The following RYR1 variants were observed in gnomAD, a reference collection of about 807,000 sequenced individuals.
RYR1 encodes central core disease of muscle.
In RYR1, 342 loss-of-function variants were observed where a neutral mutation model predicts 583.5. The ratio of observed to expected loss-of-function variants is 0.59; its 90% CI spans 0.54 to 0.64. The LOEUF (loss-of-function observed/expected upper bound fraction) is 0.64, where lower values mean the gene tolerates loss of function less well. Among genes scored for constraint, RYR1 ranks in the 30% least tolerant of loss-of-function variants. The probability of loss-of-function intolerance (pLI) is 0.00; values close to 1 mark genes in which losing one functional copy is unlikely to be tolerated. For missense variants in RYR1, 6,032 were observed against 6,917.2 expected (o/e 0.87, Z 4.54); for synonymous variants, 2,791 against 2,822.5 (o/e 0.99, Z 0.35).
At position 38,506,501 on chromosome 19, in the gene RYR1, C is replaced by T; in HGVS notation, c.8647C>T (p.His2883Tyr). 6.2e-7 allele frequency: 1 copy of T among 1,614,020 alleles called. No individual in the cohort carries two copies. Among genetic ancestry groups the T allele is most frequent in the Non-Finnish European group, 8.5e-7 (1 of 1,180,020 alleles). ...AMAEQLAENYHNTWGRKKKQE... is the reference protein window; with the variant it reads ...AMAEQLAENYYNTWGRKKKQE... ...GGCAGAACAACTGGCAGAAAATTAC[C>T]ACAACACGTGGGGACGGAAGAAGAA... Residue 2883 changes from histidine to tyrosine, a missense_variant, in exon 56 of 106, where the codon CAC becomes TAC. His to Tyr is a moderately conservative substitution (Grantham distance 83). Coordinates refer to ENST00000359596, the MANE Select transcript of RYR1 (RefSeq NM_000540.3).
At chr19:38,478,371 G>C in intron 30 of RYR1, 64 bp from the exon 31 acceptor site, 3 of 1,575,704 alleles carry the variant, frequency 1.9e-6, no homozygotes, top group Non-Finnish European at 2.6e-6. Context: ...GCTTGGGGAA[G>C]GGGGTGTCCA....
Position 38,567,736 on chromosome 19 carries a change from C to G in RYR1, c.13515-37C>G, listed in dbSNP as rs1317832880. On this transcript the variant is annotated intron_variant, in intron 92 of 105. Transcript: ENST00000359596. ...TGAATGAACTCATGCATTGCCTGCC[C>G]AGGCACCTCCTGACCTCTCTCTGTC... The G allele has an allele frequency of 3.7e-6, 6 of 1,614,056 alleles. No individual in the cohort carries two copies. The South Asian group carries it at 4.4e-5, about 12-fold the overall frequency.
Position 38,519,431 on chromosome 19 carries a change from C to A in RYR1, c.10236C>A (p.Leu3412=). The change falls in exon 67 of 106, where the codon CTC becomes CTA. Residue 3412 remains leucine (L), a synonymous_variant. Transcript: ENST00000359596. The part of the protein sequence containing the change: ...CRDLYALYPL[L]IRYVDNNRAQ... Reference sequence around the variant, plus strand: ...ACCTCTACGCCCTGTATCCGCTGCTCATCCGCTACGTGGACAACAACAGGT... The same window carrying A: ...ACCTCTACGCCCTGTATCCGCTGCTAATCCGCTACGTGGACAACAACAGGT... The A allele has an allele frequency of 6.3e-7, 1 of 1,599,846 alleles. No homozygotes were observed. The highest frequency in any genetic ancestry group is 8.5e-7 in the Non-Finnish European group (1 of 1,174,302).
chr19:38,455,658 C>T lies in RYR1; in HGVS notation c.1698C>T (p.Val566=). 1 of 1,613,842 alleles carries T rather than the reference C, an allele frequency of 6.2e-7. No homozygotes were observed. Among genetic ancestry groups the T allele is most frequent in the Non-Finnish European group, 8.5e-7 (1 of 1,179,788 alleles). Residue 566 remains valine (V), a synonymous_variant, in exon 16 of 106, where the codon GTC becomes GTT. Transcript: ENST00000359596. ...SSGILEVLYC[V]LIESPEVLNI... ...GCATCCTGGAGGTCCTGTACTGTGT[C>T]CTCATTGAGAGTCCAGAGGTTCTGA... is the stretch of plus-strand genomic sequence containing the variant.
chr19:38,531,204 C>T (rs914514195), intron 76 of RYR1, among the ~76,000 whole-genome samples: 3 of 151,884 alleles, frequency 2.0e-5, no homozygotes, highest in Admixed American at 2.0e-4. Flanking sequence ...TGACATAAGG[C>T]CATCTCGGGC....
chr19:38,433,938 T>A (rs977928244), intron 1 of RYR1, 64 bp downstream of exon 1: 51 of 1,398,604 alleles, frequency 3.6e-5, no homozygotes, highest in Non-Finnish European at 5.1e-5. Context: ...GGTCTCTCTG[T>A]CTCTGAATGT....
intron 34 of RYR1, among the ~76,000 whole-genome samples, chr19:38,488,173 A>G (rs1020239379): frequency 6.6e-6 from 1 of 151,912 alleles, no homozygotes; most frequent in Non-Finnish European, 1.5e-5. Flanking sequence ...CCCCACCCTC[A>G]TGGCTATTCA....
In RYR1 at chr19:38,580,513, C is replaced by T. The variant is rs761649824; in HGVS notation, c.14646+9C>T. 6.2e-7 allele frequency: 1 copy of T among 1,613,978 alleles called. No individual in the cohort carries two copies. Among genetic ancestry groups the T allele is most frequent in the Admixed American group, 1.7e-5 (1 of 59,980 alleles). On this transcript the variant is annotated intron_variant, in intron 101 of 105. Transcript: ENST00000359596. ...GTGATGACATGATGACGGTGAGCCCCTCCCCTAGCACTCTGGGACCCTTCC... is the reference window on the plus strand; with the variant it reads ...GTGATGACATGATGACGGTGAGCCCTTCCCCTAGCACTCTGGGACCCTTCC...
At chr19:38,475,278 T>G (rs1368660907) in intron 28 of RYR1, 40 bp from the exon 29 acceptor site, 6 of 1,552,476 alleles carry the variant, frequency 3.9e-6, no homozygotes, top group African/African-American at 1.4e-5. Context: ...GGGCTGGGCT[T>G]GAAAGCTGGC....
chr19:38,451,988 C>T, intron 12 of RYR1, 103 bp downstream of exon 12: 4 of 1,519,226 alleles, frequency 2.6e-6, no homozygotes, highest in South Asian at 2.3e-5. Context: ...TGCCCACACC[C>T]TTGTCTAACA....
intron 42 of RYR1, among the ~76,000 whole-genome samples, chr19:38,498,156 G>A (rs1331252014): frequency 1.3e-5 from 2 of 152,210 alleles, no homozygotes; most frequent in African/African-American, 2.4e-5. Context: ...AGACAGCTGT[G>A]GCTGGAGCAG....
At position 38,483,330 on chromosome 19, in the gene RYR1, G is replaced by C. The variant is rs778411704; in HGVS notation, c.4748G>C (p.Arg1583Pro). The change falls in exon 33 of 106, where the codon CGC becomes CCC. Residue 1583 changes from arginine (R) to proline (P), a missense_variant. Coordinates refer to ENST00000359596, the MANE Select transcript of RYR1 (RefSeq NM_000540.3). The surrounding 1 kb of genome is among the most constrained non-coding windows in gnomAD (Gnocchi z 6.3). ...TCAGCCGCCATGTTCCAAAGCGAGC[G>C]CAAGAACCCGGCCCCGCAGTGCCCA... ...PLSAAMFQSE[R>P]KNPAPQCPPR... 1.3e-6 allele frequency: 2 copies of C among 1,560,138 alleles called. No individual in the cohort carries two copies. The highest frequency in any genetic ancestry group is 1.7e-6 in the Non-Finnish European group (2 of 1,152,114).
rs1220842417 is a variant in RYR1 at position 38,500,704 on chromosome 19, GC to G, written c.7423del (p.Gln2475ArgfsTer56). On this transcript the variant is annotated frameshift_variant, in exon 46 of 106. Transcript: ENST00000359596. LOFTEE classifies it high-confidence loss of function. This position sits in a 1 kb window ranked among gnomAD's most constrained non-coding sequence, Gnocchi z 5.9. The stretch of plus-strand genomic sequence containing the variant: ...TTGTGGGCATCATCAGCCTCCCACT[GC>G]AGATTCCCACCCTGGGCAAAGGTGC... ...DLVGIISLPL[Q>X]IPTLGKDGAL... is the part of the protein sequence containing the mutation. 1 of 1,614,022 alleles carries G rather than the reference GC, an allele frequency of 6.2e-7. No individual in the cohort carries two copies. The highest frequency in any genetic ancestry group is 8.5e-7 in the Non-Finnish European group (1 of 1,180,022).
chr19:38,442,512 T>C, intron 3 of RYR1, 59 bp downstream of exon 3: 2 of 1,284,376 alleles, frequency 1.6e-6, no homozygotes, highest in Non-Finnish European at 2.3e-6. Context: ...GACCCAGGGG[T>C]CGTTTAGGGC....
chr19:38,500,054 C>A lies in RYR1; in HGVS notation c.7323+38C>A. The A allele has an allele frequency of 6.3e-7, 1 of 1,581,306 alleles. No homozygotes were observed. Among genetic ancestry groups the A allele is most frequent in the Non-Finnish European group, 8.7e-7 (1 of 1,151,578 alleles). ...GCCAGGGCAGGATGGGAAGGGAGGG[C>A]AGGCACAGCCGCTTTGAACGCCTCA... On this transcript the variant is annotated intron_variant, in intron 45 of 105. Transcript: ENST00000359596. The surrounding 1 kb of genome is among the most constrained non-coding windows in gnomAD (Gnocchi z 5.9).
At position 38,499,810 on chromosome 19, in the gene RYR1, G is replaced by C; in HGVS notation, c.7203G>C (p.Arg2401=). Residue 2401 remains arginine, a synonymous_variant, in exon 44 of 106, where the codon CGG becomes CGC. Transcript: ENST00000359596. The surrounding 1 kb of genome is among the most constrained non-coding windows in gnomAD (Gnocchi z 7.3). ...ARDGPGIRRD[R]RREHFGEEPP... Reference sequence around the variant, plus strand: ...ATGGCCCAGGCATCCGCAGGGACCGGCGGCGCGAGCAGTGAGTCTCCCGGC... The same window carrying C: ...ATGGCCCAGGCATCCGCAGGGACCGCCGGCGCGAGCAGTGAGTCTCCCGGC... 1.2e-6 allele frequency: 2 copies of C among 1,605,422 alleles called. No individual in the cohort carries two copies. Among genetic ancestry groups the C allele is most frequent in the Non-Finnish European group, 1.7e-6 (2 of 1,179,144 alleles).
intron 25 of RYR1, 84 bp downstream of exon 25, chr19:38,467,896 C>T (rs1968195063): frequency 1.5e-6 from 2 of 1,338,190 alleles, no homozygotes; most frequent in South Asian, 2.5e-5. Context: ...TCTGTCTGTG[C>T]CTCACTCTGT....
At chr19:38,435,469 T>C (rs1420018938) in intron 1 of RYR1, among the ~76,000 whole-genome samples, 1 of 152,176 alleles carries the variant, frequency 6.6e-6, no homozygotes, top group African/African-American at 2.4e-5. Context: ...CAGTGGCTCA[T>C]GCCTGTAATC....
At chr19:38,536,683 G>A (rs367958880) in intron 82 of RYR1, 67 bp from the exon 83 acceptor site, 36 of 1,575,924 alleles carry the variant, frequency 2.3e-5, no homozygotes, top group African/African-American at 1.1e-4. Context: ...GTGTGTTTGC[G>A]GTCTGTCTCC....
Sources: gnomAD v4.1 joint callset for allele counts (sites outside exome capture counted in the v4.1 genomes callset) on GRCh38, gnomAD v4.1.1 for gene constraint, Gnocchi (gnomAD v3.1) non-coding constraint, MANE v1.5 for transcripts, NCBI Gene and HGNC (gene_info 2026-07-23, HGNC 2026-07-21) for gene names.